The following XPO6 variants were observed in gnomAD, a reference collection of about 807,000 sequenced individuals.
XPO6 encodes the protein exportin 6.
A neutral mutation model predicts 130.0 loss-of-function variants in XPO6; 3 were observed. The ratio of observed to expected loss-of-function variants is 0.02; its 90% CI spans 0.01 to 0.06. The LOEUF (loss-of-function observed/expected upper bound fraction) is 0.06. Among genes scored for constraint, XPO6 ranks in the 10% least tolerant of loss-of-function variants. The probability of loss-of-function intolerance (pLI) is 1.00; values close to 1 mark genes in which losing one functional copy is unlikely to be tolerated. For synonymous variants in XPO6, 524 were observed against 548.9 expected (o/e 0.95, Z 0.63); for missense variants, 970 against 1,393.0 (o/e 0.70, Z 4.83).
chr16:28,178,173 T>A (rs141234512), intron 2 of XPO6, among the ~76,000 whole-genome samples: 7 of 152,148 alleles, frequency 4.6e-5, no homozygotes, highest in Non-Finnish European at 8.8e-5. Context: ...TAGAAAGCCT[T>A]TGGAAAAGCA....
chr16:28,179,600 C>A (rs1361518187), intron 2 of XPO6, among the ~76,000 whole-genome samples: 1 of 152,148 alleles, frequency 6.6e-6, no homozygotes, highest in East Asian at 1.9e-4. Flanking sequence ...GTCTCGAGGT[C>A]CCTGCTAACA....
chr16:28,147,884 T>C (rs1185010512), intron 8 of XPO6, among the ~76,000 whole-genome samples: 1 of 152,128 alleles, frequency 6.6e-6, no homozygotes, highest in Non-Finnish European at 1.5e-5. Flanking sequence ...AGGCGGAGGT[T>C]GCAGTGAGCT....
At chr16:28,103,831 T>A (rs1252757041) in intron 21 of XPO6, among the ~76,000 whole-genome samples, 2 of 152,192 alleles carry the variant, frequency 1.3e-5, no homozygotes, top group Non-Finnish European at 2.9e-5. Context: ...GCATGCTGTG[T>A]GCTAGTAGGG....
chr16:28,134,376 C>G (rs1304269795), intron 10 of XPO6, among the ~76,000 whole-genome samples: 1 of 152,252 alleles, frequency 6.6e-6, no homozygotes, highest in African/African-American at 2.4e-5. Context: ...TCACCCCAAG[C>G]CTCCAGAATC....
intron 9 of XPO6, among the ~76,000 whole-genome samples, chr16:28,138,403 G>A (rs1416648678): frequency 1.3e-5 from 2 of 152,078 alleles, no homozygotes; most frequent in Non-Finnish European, 2.9e-5. Context: ...GACTTTCTAT[G>A]CAAATGTAAC....
intron 6 of XPO6, among the ~76,000 whole-genome samples, chr16:28,163,529 T>C (rs1013059152): frequency 1.3e-5 from 2 of 152,100 alleles, no homozygotes; most frequent in Admixed American, 1.3e-4. Context: ...CAAAGAGAAG[T>C]GAACATGAGA....
At chr16:28,184,412 G>A (rs959997200) in intron 1 of XPO6, among the ~76,000 whole-genome samples, 4 of 152,098 alleles carry the variant, frequency 2.6e-5, no homozygotes. Context: ...TCACGAGCTA[G>A]GGGTAGGGAA....
In XPO6 at chr16:28,114,122, T is replaced by C. The variant is rs149301474; in HGVS notation, c.2005-1072A>G. On this transcript the variant is annotated intron_variant, in intron 15 of 23. Coordinates refer to ENST00000304658, the MANE Select transcript of XPO6 (RefSeq NM_015171.4). ...AATTCCACTTCCAGGAATCTATCCT[T>C]CAGGCCCACTAGCATATGTAAGATG... Among the ~76,000 whole-genome samples, 313 of 150,162 alleles carry C rather than the reference T, an allele frequency of 2.1e-3. 2 individuals carry two copies. Among genetic ancestry groups the C allele is most frequent in the African/African-American group, 6.9e-3 (280 of 40,766 alleles).
intron 6 of XPO6, 93 bp from the exon 7 acceptor site, chr16:28,156,620 GTA>G: frequency 4.1e-6 from 3 of 730,864 alleles, no homozygotes; most frequent in Non-Finnish European, 6.1e-6. Flanking sequence ...ATATATATAT[GTA>G]TACATATATG....
At chr16:28,145,649 G>A (rs750012261) in intron 9 of XPO6, among the ~76,000 whole-genome samples, 6 of 151,910 alleles carry the variant, frequency 3.9e-5, no homozygotes, top group Non-Finnish European at 8.8e-5. Flanking sequence ...ATACAAATGG[G>A]GTAAGAACAT....
chr16:28,107,913 A>AGATG (rs2086822524), intron 17 of XPO6, among the ~76,000 whole-genome samples: 1 of 152,174 alleles, frequency 6.6e-6, no homozygotes, highest in Non-Finnish European at 1.5e-5. Context: ...GTTGGGGAGA[A>AGATG]GATGCCTGCC....
intron 1 of XPO6, among the ~76,000 whole-genome samples, chr16:28,191,567 TC>T (rs965900328): frequency 2.0e-5 from 3 of 152,202 alleles, no homozygotes; most frequent in Non-Finnish European, 4.4e-5. Flanking sequence ...GCAAGTCCAA[TC>T]TTGTTCTACA....
chr16:28,206,749 T>C (rs1445048341), intron 1 of XPO6, among the ~76,000 whole-genome samples: 2 of 152,184 alleles, frequency 1.3e-5, no homozygotes, highest in Non-Finnish European at 2.9e-5. Flanking sequence ...CTTTCTCTAA[T>C]GCTGTGACTG....
At chr16:28,161,663 G>A in intron 6 of XPO6, among the ~76,000 whole-genome samples, 1 of 151,880 alleles carries the variant, frequency 6.6e-6, no homozygotes, top group East Asian at 1.9e-4. Context: ...GCCCTATACT[G>A]AAAACTATAT....
rs60754642 is a variant in XPO6, at chr16:28,186,374, C to CTTTTTTTTTTTTTTTTTTTTT, written c.4-5344_4-5343insAAAAAAAAAAAAAAAAAAAAA. Among the ~76,000 whole-genome samples, 378 of 81,422 alleles carry CTTTTTTTTTTTTTTTTTTTTT rather than the reference C, an allele frequency of 4.6e-3. 75 individuals carry two copies. The highest frequency in any genetic ancestry group is 5.5e-3 in the Non-Finnish European group (268 of 48,688). 53.4% of individuals were successfully genotyped at this position (81,422 alleles called of 152,430 possible). On this transcript the variant is annotated intron_variant, in intron 1 of 23. Transcript: ENST00000304658. ...TATAGATTTTTCTGCCCCAGTTATT[C>CTTTTTTTTTTTTTTTTTTTTT]TTTTTTTTTTTTTTTTTGCTAAAGA... is the stretch of plus-strand genomic sequence containing the variant.
intron 1 of XPO6, among the ~76,000 whole-genome samples, chr16:28,202,670 G>A (rs1277888152): frequency 1.3e-5 from 2 of 152,200 alleles, no homozygotes; most frequent in Non-Finnish European, 2.9e-5. Context: ...GCACTAACCT[G>A]AGAGGAAGAT....
At position 28,125,818 on chromosome 16, in the gene XPO6, T is replaced by A; in HGVS notation, c.1637A>T (p.Asp546Val). ...CAGGGAGCAGTGCAGCCGCCGGCAG[T>A]CGTTCTCCGCCGTGATGTTCAACCT... ...GHRLNITAEN[D>V]CRRLHCSLRD... Residue 546 changes from aspartate to valine, a missense_variant, in exon 13 of 24, where the codon GAC becomes GTC. By Grantham distance (152) the Asp-to-Val change is radical. Coordinates refer to ENST00000304658, the MANE Select transcript of XPO6 (RefSeq NM_015171.4). 1 of 1,614,064 alleles carries A rather than the reference T, an allele frequency of 6.2e-7. No homozygotes were observed. The highest frequency in any genetic ancestry group is 8.5e-7 in the Non-Finnish European group (1 of 1,180,030).
At chr16:28,137,220 T>C (rs2042798086) in intron 9 of XPO6, among the ~76,000 whole-genome samples, 1 of 152,176 alleles carries the variant, frequency 6.6e-6, no homozygotes, top group Non-Finnish European at 1.5e-5. Context: ...GATGGGGCCC[T>C]CTCTTCAGAG....
intron 1 of XPO6, among the ~76,000 whole-genome samples, chr16:28,188,119 T>A (rs893627584): frequency 1.5e-4 from 23 of 152,178 alleles, no homozygotes; most frequent in Admixed American, 5.2e-4. Context: ...AAATTTTTTT[T>A]AAATAAAGAT....
Sources: allele counts gnomAD v4.1 joint callset (sites outside exome capture counted in the v4.1 genomes callset), GRCh38; gene constraint gnomAD v4.1.1; transcripts MANE v1.5; gene names NCBI Gene and HGNC (gene_info 2026-07-23, HGNC 2026-07-21).